LINGO2: variants seen among roughly 807,000 people sequenced by gnomAD.
The protein encoded by LINGO2 is leucine rich repeat and Ig domain containing 2, also known as leucine-rich repeat and immunoglobulin-like domain-containing nogo receptor-interacting protein 2.
A neutral mutation model predicts 30.6 loss-of-function variants in LINGO2; 14 were observed. The ratio of observed to expected loss-of-function variants is 0.46; its 90% CI spans 0.30 to 0.72. The LOEUF (loss-of-function observed/expected upper bound fraction) is 0.72, where lower values mean the gene tolerates loss of function less well. LINGO2 is among the 30% of genes least tolerant of loss of function. LINGO2 has a pLI of 0.07. For missense variants in LINGO2, 729 were observed against 751.7 expected (o/e 0.97, Z 0.35); for synonymous variants, 317 against 288.5 (o/e 1.10, Z -1.00).
At chr9:28,772,333 T>C in the LINGO2 span, among the ~76,000 whole-genome samples, 1 of 152,182 alleles carries the variant, frequency 6.6e-6, no homozygotes, top group Non-Finnish European at 1.5e-5. Flanking sequence ...ACTGTGCAGT[T>C]CTTTGGCTTC....
the LINGO2 span, among the ~76,000 whole-genome samples, chr9:29,096,119 T>C: frequency 1.4e-5 from 2 of 138,554 alleles, 1 homozygote; most frequent in Non-Finnish European, 3.1e-5. Context: ...GTGTGATGCA[T>C]ATTTTAAGAC....
intron 2 of LINGO2, among the ~76,000 whole-genome samples, chr9:28,453,562 G>A (rs1270897354): frequency 6.6e-6 from 1 of 151,652 alleles, no homozygotes. Flanking sequence ...TTGTCCTTAG[G>A]GATATTTAAG....
chr9:29,019,279 T>C, the LINGO2 span, among the ~76,000 whole-genome samples: 2 of 152,194 alleles, frequency 1.3e-5, no homozygotes, highest in African/African-American at 4.8e-5. Flanking sequence ...TTTTTTGGTG[T>C]ATGCTGTGAA....
chr9:29,125,581 T>A, the LINGO2 span, among the ~76,000 whole-genome samples: 1 of 152,152 alleles, frequency 6.6e-6, no homozygotes, highest in Non-Finnish European at 1.5e-5. Context: ...TGTTCAATCT[T>A]ATTGGTTTTG....
At chr9:28,602,407 T>G (rs1825524787) in intron 1 of LINGO2, among the ~76,000 whole-genome samples, 1 of 152,098 alleles carries the variant, frequency 6.6e-6, no homozygotes. Context: ...GGACCATGAG[T>G]GGATAGAGAC....
At chr9:28,091,937 A>G (rs1348724704) in intron 4 of LINGO2, among the ~76,000 whole-genome samples, 2 of 152,214 alleles carry the variant, frequency 1.3e-5, no homozygotes, top group South Asian at 2.1e-4. Context: ...CAAAAGACAC[A>G]TGAAAAAATG....
chr9:28,943,884 C>T, the LINGO2 span, among the ~76,000 whole-genome samples: 3 of 152,104 alleles, frequency 2.0e-5, no homozygotes, highest in Middle Eastern at 3.2e-3. Flanking sequence ...TGAATCTTGT[C>T]GAGCTAAGAT....
At chr9:28,143,874 C>T (rs1362161871) in intron 4 of LINGO2, among the ~76,000 whole-genome samples, 4 of 150,654 alleles carry the variant, frequency 2.7e-5, no homozygotes, top group African/African-American at 7.3e-5. Context: ...TTCAGTGAAA[C>T]AAGAGGTAAT....
chr9:29,025,523 T>A, the LINGO2 span, among the ~76,000 whole-genome samples: 1 of 152,200 alleles, frequency 6.6e-6, no homozygotes, highest in Non-Finnish European at 1.5e-5. Context: ...CAGATACTTC[T>A]ATGACTTTTT....
intron 4 of LINGO2, among the ~76,000 whole-genome samples, chr9:28,237,469 G>T (rs1821615515): frequency 6.6e-6 from 1 of 152,046 alleles, no homozygotes; most frequent in African/African-American, 2.4e-5. Context: ...AACATCGAAT[G>T]TAAAGAAACC....
At chr9:28,766,829 A>G in the LINGO2 span, among the ~76,000 whole-genome samples, 139 of 109,244 alleles carry the variant, frequency 1.3e-3, 2 homozygotes, top group Middle Eastern at 4.5e-3. Context: ...AGAGAGAGAG[A>G]AGGAGAGAAA....
chr9:28,006,172 A>G (rs1338466757), intron 5 of LINGO2, among the ~76,000 whole-genome samples: 12 of 152,326 alleles, frequency 7.9e-5, no homozygotes, highest in Non-Finnish European at 4.4e-5. Flanking sequence ...GGAAAAAAGC[A>G]TAAGGGGAGA....
At chr9:28,976,972 T>G in the LINGO2 span, among the ~76,000 whole-genome samples, 1 of 152,098 alleles carries the variant, frequency 6.6e-6, no homozygotes, top group Non-Finnish European at 1.5e-5. Flanking sequence ...TAGAAGGAAA[T>G]AACCAGTGAT....
In LINGO2 at chr9:28,341,976, A is replaced by G. The variant is rs531235326; in HGVS notation, c.-246+30860T>C. On this transcript the variant is annotated intron_variant, in intron 3 of 5. Coordinates refer to ENST00000379992, the Ensembl canonical transcript of LINGO2. ...GGAGAGTTAGGAAGATTCATGAGTTAGGATGAATGCTCAAGCCTTCTTTAC... is the reference window on the plus strand; with the variant it reads ...GGAGAGTTAGGAAGATTCATGAGTTGGGATGAATGCTCAAGCCTTCTTTAC... Among the ~76,000 whole-genome samples, 3 of 152,304 alleles carry G rather than the reference A, an allele frequency of 2.0e-5. No individual in the cohort carries two copies. In the East Asian group the frequency reaches 5.8e-4, roughly 29 times the overall value.
At chr9:28,500,746 C>T (rs1819849979) in intron 1 of LINGO2, among the ~76,000 whole-genome samples, 1 of 151,582 alleles carries the variant, frequency 6.6e-6, no homozygotes, top group Admixed American at 6.6e-5. Context: ...TACAGTATCC[C>T]CAAATGAGAA....
the LINGO2 span, among the ~76,000 whole-genome samples, chr9:29,092,125 T>C: frequency 1.3e-5 from 2 of 152,024 alleles, no homozygotes; most frequent in Admixed American, 1.3e-4. Context: ...TTAGTTGTAT[T>C]ACTTAATATA....
the LINGO2 span, chr9:27,941,662 AGAT>A: frequency 1.3e-5 from 2 of 152,242 alleles, no homozygotes; most frequent in African/African-American, 4.8e-5. Flanking sequence ...ATGATACCCT[AGAT>A]GATGACACCT....
the LINGO2 span, among the ~76,000 whole-genome samples, chr9:28,767,872 C>T: frequency 6.7e-6 from 1 of 150,076 alleles, no homozygotes. Context: ...TTTTCTTACA[C>T]ATTTGTGTTA....
the LINGO2 span, chr9:28,888,846 C>T: frequency 1.9e-6 from 1 of 532,380 alleles, no homozygotes; most frequent in Non-Finnish European, 3.9e-6. Flanking sequence ...AAAATGTTGT[C>T]CATTGCAAAG....
Sources: gnomAD v4.1 joint callset for allele counts (sites outside exome capture counted in the v4.1 genomes callset) on GRCh38, gnomAD v4.1.1 for gene constraint, MANE v1.5 for transcripts, NCBI Gene and HGNC (gene_info 2026-07-23, HGNC 2026-07-21) for gene names.